Variants in HMGN5 observed in about 807,000 individuals in gnomAD.
HMGN5 encodes high mobility group nucleosome-binding domain-containing protein 5.
HMGN5 carries 4 observed loss-of-function variants against 9.5 expected under a neutral mutation model. The observed-to-expected ratio is 0.42, with a 90% CI of 0.21 to 0.96. HMGN5 has a LOEUF of 0.96. HMGN5 is among the 40% of genes least tolerant of loss of function. The pLI is 0.30. For missense variants in HMGN5, 192 were observed against 187.5 expected (o/e 1.02, Z -0.14); for synonymous variants, 55 against 57.1 (o/e 0.96, Z 0.16).
chrX:81,161,475 T>C (rs2075397613), intron 1 of HMGN5, among the ~76,000 whole-genome samples: 1 of 111,343 alleles, frequency 9.0e-6, no homozygotes, highest in Non-Finnish European at 1.9e-5. Context: ...CATAATAAAA[T>C]TGTTGTTGTT....
intron 1 of HMGN5, among the ~76,000 whole-genome samples, chrX:81,137,619 A>C (rs1462515753): frequency 9.0e-6 from 1 of 111,660 alleles, no homozygotes; most frequent in Non-Finnish European, 1.9e-5. Context: ...TCTCAAATTA[A>C]TATTCTAATA....
rs1427621582 is a variant in HMGN5 at position 81,115,212 on chromosome X, C to G, written c.286G>C (p.Glu96Gln). The G allele has an allele frequency of 8.5e-7, 1 of 1,172,396 alleles. No homozygotes were observed. The highest frequency in any genetic ancestry group is 3.0e-5 in the East Asian group (1 of 33,077). ...TTTTCTTCTTTTACTTCCACAATTTCTTTTTCAGAAGCTGGTGCCTGTAAG... is the reference window on the plus strand; with the variant it reads ...TTTTCTTCTTTTACTTCCACAATTTGTTTTTCAGAAGCTGGTGCCTGTAAG... The part of the protein sequence containing the change: ...KITEAPASEK[E>Q]IVEVKEENIE... The change falls in exon 7 of 7, where the codon GAA (glutamate) becomes CAA (glutamine). Residue 96 changes from glutamate (E) to glutamine (Q), a missense_variant. Transcript: ENST00000358130.
chrX:81,118,014 T>TTA (rs1294907325), intron 5 of HMGN5, among the ~76,000 whole-genome samples: 4 of 109,627 alleles, frequency 3.6e-5, no homozygotes, highest in South Asian at 3.7e-4. Flanking sequence ...CTTACATATA[T>TTA]TATATATATA....
intron 1 of HMGN5, among the ~76,000 whole-genome samples, chrX:81,175,449 T>C (rs2075438861): frequency 1.8e-5 from 2 of 111,571 alleles, no homozygotes; most frequent in African/African-American, 6.5e-5. Flanking sequence ...TAATTTTCTT[T>C]ATTTGTAGAG....
chrX:81,189,408 T>C (rs1204475332), intron 1 of HMGN5, among the ~76,000 whole-genome samples: 1 of 111,999 alleles, frequency 8.9e-6, no homozygotes, highest in Non-Finnish European at 1.9e-5. Flanking sequence ...CCCCAGCCCC[T>C]GGAAGCCACT....
chrX:81,157,575 C>T (rs903848781), intron 1 of HMGN5, among the ~76,000 whole-genome samples: 21 of 111,194 alleles, frequency 1.9e-4, no homozygotes, highest in Non-Finnish European at 3.4e-4. Flanking sequence ...AAAGTATTGG[C>T]GTCTCCTCAT....
At chrX:81,199,256 G>A (rs1335194734) in intron 1 of HMGN5, among the ~76,000 whole-genome samples, 1 of 111,786 alleles carries the variant, frequency 8.9e-6, no homozygotes, top group Non-Finnish European at 1.9e-5. Context: ...AGAACATTCC[G>A]TGCTCATGGA....
chrX:81,138,288 G>A (rs2075317228), intron 1 of HMGN5, among the ~76,000 whole-genome samples: 1 of 111,650 alleles, frequency 9.0e-6, no homozygotes, highest in East Asian at 2.8e-4. Flanking sequence ...AAGACTGGTT[G>A]AACATTTGGC....
At chrX:81,200,534 A>T (rs2075522959) in intron 1 of HMGN5, among the ~76,000 whole-genome samples, 1 of 112,137 alleles carries the variant, frequency 8.9e-6, no homozygotes, top group Admixed American at 9.4e-5. Flanking sequence ...GCCATAGAAA[A>T]GGATGAGTTC....
chrX:81,181,959 A>T (rs2075464158), intron 1 of HMGN5, among the ~76,000 whole-genome samples: 1 of 111,609 alleles, frequency 9.0e-6, no homozygotes, highest in African/African-American at 3.3e-5. Context: ...TTGGCTATAT[A>T]CCTAGGAGTG....
At chrX:81,172,390 A>G (rs2075428566) in intron 1 of HMGN5, among the ~76,000 whole-genome samples, 2 of 110,813 alleles carry the variant, frequency 1.8e-5, no homozygotes, top group Admixed American at 9.7e-5. Flanking sequence ...GTTATGTGGA[A>G]AAATAAGTCC....
At chrX:81,155,075 G>GTATATATATATATA (rs761895749) in intron 1 of HMGN5, among the ~76,000 whole-genome samples, 11 of 68,937 alleles carry the variant, frequency 1.6e-4, no homozygotes, top group African/African-American at 6.0e-4. Flanking sequence ...GTATATATCA[G>GTATATATATATATA]TATATATATA....
chrX:81,118,169 C>G (rs2075259531), intron 5 of HMGN5, among the ~76,000 whole-genome samples: 1 of 110,806 alleles, frequency 9.0e-6, no homozygotes, highest in Admixed American at 9.7e-5. Flanking sequence ...TATATGATAG[C>G]AAAGGCATGT....
Position 81,140,514 on chromosome X carries a change from C to T in HMGN5, c.-123-18842G>A, listed in dbSNP as rs1206103657. On this transcript the variant is annotated intron_variant, in intron 1 of 6. Transcript: ENST00000358130. ...GGGGGAGCTTGCAGTGAGGCGAGAT[C>T]GCGCCACTGCACTCCAGCCTTGGCG... is the stretch of plus-strand genomic sequence containing the variant. 6.1e-5 allele frequency among the ~76,000 whole-genome samples: 6 copies of T among 98,096 alleles called. No homozygotes were observed. The East Asian group carries it at 1.3e-3, about 21-fold the overall frequency. The allele number at this position is 98,096 out of a possible 115,157, so 85.2% of individuals were successfully genotyped here.
At chrX:81,152,676 C>T (rs1444253224) in intron 1 of HMGN5, among the ~76,000 whole-genome samples, 1 of 110,734 alleles carries the variant, frequency 9.0e-6, no homozygotes, top group Non-Finnish European at 1.9e-5. Flanking sequence ...AATCATGCTG[C>T]TTTAAAGACA....
At chrX:81,151,904 T>A (rs1484562111) in intron 1 of HMGN5, among the ~76,000 whole-genome samples, 2 of 111,533 alleles carry the variant, frequency 1.8e-5, no homozygotes, top group African/African-American at 6.5e-5. Context: ...ACAGGGACAA[T>A]TTGACTTCCT....
chrX:81,190,523 A>G (rs369988333), intron 1 of HMGN5, among the ~76,000 whole-genome samples: 54 of 109,583 alleles, frequency 4.9e-4, no homozygotes, highest in African/African-American at 1.6e-3. Context: ...CTACCAATCT[A>G]CTCTCTATCT....
intron 1 of HMGN5, among the ~76,000 whole-genome samples, chrX:81,150,782 AG>A (rs1259434373): frequency 9.0e-6 from 1 of 111,387 alleles, no homozygotes; most frequent in Admixed American, 9.6e-5. Flanking sequence ...AAAATGAAAA[AG>A]GAGGCATTAC....
chrX:81,187,290 C>A (rs757364838), intron 1 of HMGN5, among the ~76,000 whole-genome samples: 27 of 111,232 alleles, frequency 2.4e-4, no homozygotes, highest in African/African-American at 8.5e-4. Flanking sequence ...TGCTGAAAGT[C>A]GGGTGTTTGA....
Sources: gnomAD v4.1 joint callset for allele counts (sites outside exome capture counted in the v4.1 genomes callset) on GRCh38, gnomAD v4.1.1 for gene constraint, MANE v1.5 for transcripts, NCBI Gene and HGNC (gene_info 2026-07-23, HGNC 2026-07-21) for gene names.